RERE: variants seen among roughly 807,000 people sequenced by gnomAD.
The protein encoded by RERE is arginine-glutamic acid dipeptide repeats protein.
In RERE, 40 loss-of-function variants were observed where a neutral mutation model predicts 146.1. That is an observed-to-expected ratio of 0.27 (90% CI 0.21 to 0.36). The LOEUF (loss-of-function observed/expected upper bound fraction) is 0.36. RERE is among the 10% of genes least tolerant of loss of function. The pLI is 1.00. For missense variants in RERE, 1,933 were observed against 2,138.7 expected (o/e 0.90, Z 1.90); for synonymous variants, 1,003 against 866.0 (o/e 1.16, Z -2.78).
rs1327418217 is a variant in RERE, at chr1:8,356,851, C to T, written c.4340-605G>A. Among the ~76,000 whole-genome samples the T allele has an allele frequency of 1.3e-5, 2 of 152,164 alleles. No homozygotes were observed. The highest frequency in any genetic ancestry group is 2.4e-5 in the African/African-American group (1 of 41,420). On this transcript the variant is annotated intron_variant, in intron 20 of 22. Coordinates refer to ENST00000400908, the MANE Select transcript of RERE (RefSeq NM_001042681.2). The surrounding 1 kb of genome is among the most constrained non-coding windows in gnomAD (Gnocchi z 5.2). ...ATCTCCCAGCTCCAGCCAACACAGG[C>T]GCTGGCAGGGATTTCAGGGTTGCCA...
intron 1 of RERE, among the ~76,000 whole-genome samples, chr1:8,751,316 C>T (rs756789597): frequency 6.6e-6 from 1 of 152,194 alleles, no homozygotes; most frequent in African/African-American, 2.4e-5. Context: ...AAGCACTTTG[C>T]ATCTAGTCTC....
intron 2 of RERE, among the ~76,000 whole-genome samples, chr1:8,625,092 A>G (rs1646958684): frequency 6.6e-6 from 1 of 152,164 alleles, no homozygotes; most frequent in South Asian, 2.1e-4. Context: ...ATAATTTTTG[A>G]TGCTCTCAAT....
chr1:8,410,862 G>T (rs1408718395), intron 12 of RERE, among the ~76,000 whole-genome samples: 1 of 152,124 alleles, frequency 6.6e-6, no homozygotes, highest in Admixed American at 6.5e-5. Context: ...CACCCCCAGG[G>T]AGCACAACCG....
chr1:8,450,473 C>T (rs1162057790), intron 11 of RERE, among the ~76,000 whole-genome samples: 1 of 152,080 alleles, frequency 6.6e-6, no homozygotes, highest in African/African-American at 2.4e-5. Flanking sequence ...TCCTGTATTC[C>T]CAGCCCAGTC....
At chr1:8,425,132 G>C (rs957813409) in intron 11 of RERE, 18 of 152,150 alleles carry the variant, frequency 1.2e-4, no homozygotes, top group African/African-American at 4.1e-4. Flanking sequence ...AGAGGCTGCT[G>C]ACACAGTTCA....
At chr1:8,779,932 T>C (rs573925535) in intron 1 of RERE, among the ~76,000 whole-genome samples, 1 of 152,188 alleles carries the variant, frequency 6.6e-6, no homozygotes, top group Non-Finnish European at 1.5e-5. Flanking sequence ...AGCTTATGCC[T>C]GTAATCCCAG....
intron 1 of RERE, among the ~76,000 whole-genome samples, chr1:8,680,754 G>C (rs116393008): frequency 0.013 from 1,913 of 152,204 alleles, 38 homozygotes; most frequent in African/African-American, 0.044. Context: ...CCTCAACTCC[G>C]TTTCAGAGTA....
chr1:8,571,762 A>G (rs781389826), intron 4 of RERE, among the ~76,000 whole-genome samples: 40 of 152,242 alleles, frequency 2.6e-4, no homozygotes, highest in Non-Finnish European at 4.9e-4. Flanking sequence ...TGCACATGCC[A>G]GACAACAAAG....
chr1:8,565,071 G>GT (rs1345204922), intron 4 of RERE, among the ~76,000 whole-genome samples: 1 of 152,078 alleles, frequency 6.6e-6, no homozygotes, highest in African/African-American at 2.4e-5. Flanking sequence ...AGGCTGGGCA[G>GT]TGGGGGGAAT....
Position 8,789,642 on chromosome 1 carries a change from C to G in RERE, c.-145+27518G>C, listed in dbSNP as rs574894711. Reference sequence around the variant, plus strand: ...TCCCTTCAGGTGCCAACAGACACTCCGTGCCTAGCATTCCAAGCCTGTCTT... The same window carrying G: ...TCCCTTCAGGTGCCAACAGACACTCGGTGCCTAGCATTCCAAGCCTGTCTT... On this transcript the variant is annotated intron_variant, in intron 1 of 22. Coordinates refer to ENST00000400908, the MANE Select transcript of RERE (RefSeq NM_001042681.2). Among the ~76,000 whole-genome samples, 213 of 152,226 alleles carry G rather than the reference C, an allele frequency of 1.4e-3. 2 individuals are homozygous for G. The highest frequency in any genetic ancestry group is 8.1e-3 in the South Asian group (39 of 4,828).
chr1:8,517,681 A>C (rs1645438092), intron 7 of RERE, among the ~76,000 whole-genome samples: 1 of 152,268 alleles, frequency 6.6e-6, no homozygotes, highest in Non-Finnish European at 1.5e-5. Context: ...TATTAAAAAA[A>C]CAGAAAGTCA....
At chr1:8,738,526 C>T (rs2124498706) in intron 1 of RERE, among the ~76,000 whole-genome samples, 1 of 152,122 alleles carries the variant, frequency 6.6e-6, no homozygotes, top group South Asian at 2.1e-4. Flanking sequence ...CTATAACACA[C>T]TTAACAAGCC....
intron 1 of RERE, among the ~76,000 whole-genome samples, chr1:8,693,474 G>C (rs1639253240): frequency 6.6e-6 from 1 of 152,148 alleles, no homozygotes; most frequent in African/African-American, 2.4e-5. Flanking sequence ...ATTTTGCTAA[G>C]AGAAATAAAC....
At chr1:8,756,139 T>TTTTAAAAA (rs1557523234) in intron 1 of RERE, among the ~76,000 whole-genome samples, 1 of 152,054 alleles carries the variant, frequency 6.6e-6, no homozygotes, top group African/African-American at 2.4e-5. Context: ...CACTAAACAT[T>TTTTAAAAA]TTTAAAAATT....
chr1:8,774,496 G>A (rs1202324952), intron 1 of RERE, among the ~76,000 whole-genome samples: 1 of 151,784 alleles, frequency 6.6e-6, no homozygotes, highest in Non-Finnish European at 1.5e-5. Context: ...TGGGATTACA[G>A]GCATGTGCCA....
At chr1:8,413,134 C>T (rs531818528) in intron 12 of RERE, among the ~76,000 whole-genome samples, 1 of 152,268 alleles carries the variant, frequency 6.6e-6, no homozygotes, top group South Asian at 2.1e-4. Context: ...CACACACATA[C>T]TTCATTTTAA....
At chr1:8,379,973 C>T (rs749777983) in intron 12 of RERE, among the ~76,000 whole-genome samples, 2 of 152,190 alleles carry the variant, frequency 1.3e-5, no homozygotes, top group East Asian at 1.9e-4. Context: ...AAATCCTGGC[C>T]GCTCCTGTTC....
At chr1:8,507,059 G>T (rs1220934486) in intron 8 of RERE, among the ~76,000 whole-genome samples, 1 of 152,208 alleles carries the variant, frequency 6.6e-6, no homozygotes, top group African/African-American at 2.4e-5. Context: ...TGACATGGGA[G>T]ACAGAAACAG....
chr1:8,750,150 C>CAAAAAAA (rs3045405), intron 1 of RERE, among the ~76,000 whole-genome samples: 29 of 96,330 alleles, frequency 3.0e-4, no homozygotes, highest in Non-Finnish European at 4.3e-4. Flanking sequence ...GCCTCTGTCT[C>CAAAAAAA]AAAAAAAAAA....
Sources: gnomAD v4.1 joint callset for allele counts (sites outside exome capture counted in the v4.1 genomes callset) on GRCh38, gnomAD v4.1.1 for gene constraint, Gnocchi (gnomAD v3.1) non-coding constraint, MANE v1.5 for transcripts, NCBI Gene and HGNC (gene_info 2026-07-23, HGNC 2026-07-21) for gene names.